Variants in MYOCD observed in about 807,000 individuals in gnomAD.
MYOCD encodes the protein myocardin.
Under a neutral mutation model 96.1 loss-of-function variants are expected in MYOCD, and 32 were observed. That is an observed-to-expected ratio of 0.33 (90% CI 0.25 to 0.45). The LOEUF is 0.45. Ranked by LOEUF, MYOCD falls within the 20% of genes least tolerant of loss-of-function variation. The pLI is 1.00. For missense variants in MYOCD, 1,133 were observed against 1,200.6 expected (o/e 0.94, Z 0.83); for synonymous variants, 469 against 469.0 (o/e 1.00, Z 0.00).
intron 2 of MYOCD, chr17:12,710,687 T>A: frequency 5.4e-6 from 1 of 183,918 alleles, no homozygotes; most frequent in Non-Finnish European, 1.0e-5. Flanking sequence ...TCATTTGACT[T>A]GGCTTTTCCC....
rs58002174 is a variant in MYOCD, at chr17:12,748,160, CAAAA to C, written c.1125+2103_1125+2106del. On this transcript the variant is annotated intron_variant, in intron 9 of 13. Transcript: ENST00000425538. ...CTGATGACAGAGCTTGACTCCGTCTCAAAAAAAAAAAAAAAAAACAAAAAAACAA... is the reference window on the plus strand; with the variant it reads ...CTGATGACAGAGCTTGACTCCGTCTCAAAAAAAAAAAAAACAAAAAAACAA... 6.6e-4 allele frequency among the ~76,000 whole-genome samples: 60 copies of C among 90,586 alleles called. No homozygotes were observed. The East Asian group carries it at 8.4e-3, about 13-fold the overall frequency. The allele number at this position is 90,586 out of a possible 152,430, so 59.4% of individuals were successfully genotyped here.
At chr17:12,693,233 G>A (rs1292161986) in intron 1 of MYOCD, among the ~76,000 whole-genome samples, 1 of 152,066 alleles carries the variant, frequency 6.6e-6, no homozygotes, top group African/African-American at 2.4e-5. Context: ...CTTGCTACTT[G>A]TTCCTGAAGT....
intron 1 of MYOCD, among the ~76,000 whole-genome samples, chr17:12,679,124 G>T (rs1910290171): frequency 6.6e-6 from 1 of 152,088 alleles, no homozygotes; most frequent in Non-Finnish European, 1.5e-5. Flanking sequence ...AAGGGAACAT[G>T]GTCTTTTCAG....
Position 12,739,433 on chromosome 17 carries a change from C to T in MYOCD, c.717+105C>T, listed in dbSNP as rs756770270. ...GTCTGACAACACGAGGAGAGTTACA[C>T]GGAGGACCCAGGCAGAGGTTCAGCT... is the stretch of plus-strand genomic sequence containing the variant. On this transcript the variant is annotated intron_variant, in intron 7 of 13. Transcript: ENST00000425538. The T allele has an allele frequency of 9.8e-6, 13 of 1,322,678 alleles. No homozygotes were observed. In the Admixed American group the frequency reaches 1.3e-4, roughly 13 times the overall value. The allele number at this position is 1,322,678 out of a possible 1,614,324, so 81.9% of individuals were successfully genotyped here.
chr17:12,698,129 A>G (rs1465355834), intron 1 of MYOCD, among the ~76,000 whole-genome samples: 1 of 152,206 alleles, frequency 6.6e-6, no homozygotes, highest in Non-Finnish European at 1.5e-5. Context: ...TGCTATACGA[A>G]GTAATCTTAT....
chr17:12,721,959 C>A (rs1337248806), intron 4 of MYOCD, among the ~76,000 whole-genome samples: 1 of 152,152 alleles, frequency 6.6e-6, no homozygotes, highest in African/African-American at 2.4e-5. Context: ...ACCAATAAGA[C>A]ATCCCTAGAC....
chr17:12,688,671 A>T, intron 1 of MYOCD, among the ~76,000 whole-genome samples: 4 of 119,266 alleles, frequency 3.4e-5, no homozygotes, highest in African/African-American at 6.6e-5. Flanking sequence ...CCCTTCATTC[A>T]TTCCTTTCTT....
chr17:12,747,259 G>A (rs772912294), intron 9 of MYOCD, among the ~76,000 whole-genome samples: 10 of 152,264 alleles, frequency 6.6e-5, no homozygotes, highest in African/African-American at 9.6e-5. Flanking sequence ...TGTATGAGAC[G>A]TGAGTGGAAA....
chr17:12,763,747 A>T lies in MYOCD; in HGVS notation c.*103A>T. ...TCCAAAAACAGAAGAAGAAGAAGAGAATTAAAAAGAAGCAATGATTTCTGT... is the reference window on the plus strand; with the variant it reads ...TCCAAAAACAGAAGAAGAAGAAGAGTATTAAAAAGAAGCAATGATTTCTGT... On this transcript the variant is annotated 3_prime_UTR_variant, in exon 14 of 14. Transcript: ENST00000425538. 9.7e-7 allele frequency: 1 copy of T among 1,033,650 alleles called. No homozygotes were observed. Among genetic ancestry groups the T allele is most frequent in the Non-Finnish European group, 1.4e-6 (1 of 727,008 alleles). The allele number at this position is 1,033,650 out of a possible 1,614,324, so 64.0% of individuals were successfully genotyped here. A position where few individuals can be genotyped will look rare whatever the true frequency, so the allele number is the denominator to read the frequency against.
chr17:12,762,977 C>T (rs752563271), intron 13 of MYOCD, 96 bp from the exon 14 acceptor site: 44 of 997,010 alleles, frequency 4.4e-5, no homozygotes, highest in Middle Eastern at 2.2e-4. Context: ...ACCAGGGAAG[C>T]GTGGCCATCT....
At chr17:12,712,919 C>T (rs1219553766) in intron 2 of MYOCD, among the ~76,000 whole-genome samples, 3 of 152,136 alleles carry the variant, frequency 2.0e-5, no homozygotes, top group Non-Finnish European at 4.4e-5. Context: ...TTTCCAAAAA[C>T]CCAACTGAGA....
At chr17:12,761,900 G>A (rs1230924888) in intron 13 of MYOCD, 1 of 152,422 alleles carries the variant, frequency 6.6e-6, no homozygotes, top group Non-Finnish European at 1.5e-5. Context: ...TGGGATTAAA[G>A]GCGTGAGCCA....
rs2032458099 is a variant in MYOCD at position 12,739,962 on chromosome 17, G to GTC, written c.717+642_717+643dup. ...TTTCTTTTTTCTTTTTTGAGACAGA[G>GTC]TCTCTCTCTGTTGCCCAGGTTGGAA... On this transcript the variant is annotated intron_variant, in intron 7 of 13. Coordinates refer to ENST00000425538, the MANE Select transcript of MYOCD (RefSeq NM_001146312.3). 8.5e-5 allele frequency among the ~76,000 whole-genome samples: 13 copies of GTC among 152,050 alleles called. No homozygotes were observed. The South Asian group carries it at 2.7e-3, about 32-fold the overall frequency.
At chr17:12,723,085 A>C in intron 5 of MYOCD, 77 bp downstream of exon 5, 1 of 1,404,378 alleles carries the variant, frequency 7.1e-7, no homozygotes, top group Non-Finnish European at 9.7e-7. Flanking sequence ...ACATACTAGG[A>C]TCTTTGGGGA....
chr17:12,669,785 A>C (rs1909590507), intron 1 of MYOCD, among the ~76,000 whole-genome samples: 1 of 151,964 alleles, frequency 6.6e-6, no homozygotes, highest in South Asian at 2.1e-4. Context: ...CGCCCGGCTA[A>C]TTTTTTGTAT....
At chr17:12,710,244 C>G (rs954474040) in intron 2 of MYOCD, among the ~76,000 whole-genome samples, 1 of 152,150 alleles carries the variant, frequency 6.6e-6, no homozygotes, top group Non-Finnish European at 1.5e-5. Context: ...TGATGTTTAA[C>G]CCAGGGGAGA....
intron 1 of MYOCD, among the ~76,000 whole-genome samples, chr17:12,667,434 C>G (rs771892139): frequency 1.1e-4 from 16 of 152,288 alleles, no homozygotes; most frequent in South Asian, 4.2e-4. Flanking sequence ...CCACTGGGGT[C>G]GGCAGTGGAT....
At chr17:12,740,584 C>A (rs748393821) in intron 7 of MYOCD, among the ~76,000 whole-genome samples, 3 of 152,108 alleles carry the variant, frequency 2.0e-5, no homozygotes, top group Admixed American at 6.6e-5. Flanking sequence ...ATGGGCACTT[C>A]GGTTGGGTCC....
At chr17:12,706,863 G>A (rs1290014494) in intron 2 of MYOCD, among the ~76,000 whole-genome samples, 1 of 152,018 alleles carries the variant, frequency 6.6e-6, no homozygotes, top group Non-Finnish European at 1.5e-5. Flanking sequence ...ATTAGTCCAT[G>A]GCATCATTAA....
Sources: allele counts gnomAD v4.1 joint callset (sites outside exome capture counted in the v4.1 genomes callset), GRCh38; gene constraint gnomAD v4.1.1; transcripts MANE v1.5; gene names NCBI Gene and HGNC (gene_info 2026-07-23, HGNC 2026-07-21).